TTC3: variants seen among roughly 807,000 people sequenced by gnomAD.
The protein encoded by TTC3 is E3 ubiquitin-protein ligase TTC3.
A neutral mutation model predicts 249.6 loss-of-function variants in TTC3; 180 were observed. The ratio of observed to expected loss-of-function variants is 0.72; its 90% CI spans 0.64 to 0.82. The LOEUF (loss-of-function observed/expected upper bound fraction) is 0.82, where lower values mean the gene tolerates loss of function less well. Among genes scored for constraint, TTC3 ranks in the 40% least tolerant of loss-of-function variants. The pLI is 0.00. For synonymous variants in TTC3, 717 were observed against 805.0 expected (o/e 0.89, Z 1.85); for missense variants, 2,061 against 2,398.4 (o/e 0.86, Z 2.94).
At chr21:37,140,896 C>G (rs975249139) in intron 20 of TTC3, among the ~76,000 whole-genome samples, 2 of 152,058 alleles carry the variant, frequency 1.3e-5, no homozygotes, top group African/African-American at 4.8e-5. Context: ...TCTAATAAGT[C>G]AACAATATAG....
At chr21:37,108,356 G>T (rs2075287799) in intron 10 of TTC3, 36 bp from the exon 11 acceptor site, 2 of 1,577,908 alleles carry the variant, frequency 1.3e-6, no homozygotes, top group African/African-American at 1.4e-5. Context: ...TACTATAAAA[G>T]AGTGAAAATT....
chr21:37,124,881 C>T, intron 14 of TTC3, 139 bp downstream of exon 14: 1 of 691,004 alleles, frequency 1.4e-6, no homozygotes, highest in Non-Finnish European at 2.3e-6. Context: ...TAATGATTCT[C>T]TTTTAAATAA....
intron 44 of TTC3, among the ~76,000 whole-genome samples, chr21:37,199,003 T>C (rs577846563): frequency 9.2e-5 from 14 of 152,310 alleles, no homozygotes; most frequent in African/African-American, 3.4e-4. Flanking sequence ...GGAGAGGCCT[T>C]CAATGGCTCT....
At chr21:37,197,889 C>T in exon 44 of TTC3, 2 of 1,612,598 alleles carry the variant, frequency 1.2e-6, no homozygotes, top group Non-Finnish European at 1.7e-6. Flanking sequence ...CAGCCAAACC[C>T]AGGAAAGGAC....
intron 11 of TTC3, among the ~76,000 whole-genome samples, chr21:37,120,092 G>T (rs1378006063): frequency 6.6e-6 from 1 of 152,184 alleles, no homozygotes; most frequent in Non-Finnish European, 1.5e-5. Flanking sequence ...GCCGTCCATT[G>T]TTGGGGTGGA....
At chr21:37,076,102 G>T (rs2070827699) in intron 1 of TTC3, among the ~76,000 whole-genome samples, 1 of 152,072 alleles carries the variant, frequency 6.6e-6, no homozygotes, top group Non-Finnish European at 1.5e-5. Flanking sequence ...ATTATGCCTT[G>T]TTTTTAAAAA....
intron 20 of TTC3, among the ~76,000 whole-genome samples, chr21:37,140,879 T>G (rs1341402003): frequency 6.6e-6 from 1 of 152,224 alleles, no homozygotes; most frequent in Non-Finnish European, 1.5e-5. Context: ...TACTTCCTGA[T>G]TTTAAATCTA....
intron 11 of TTC3, among the ~76,000 whole-genome samples, chr21:37,119,478 G>A (rs956832903): frequency 3.3e-5 from 5 of 152,114 alleles, no homozygotes; most frequent in African/African-American, 1.2e-4. Context: ...GTACTTAGCT[G>A]AAGACTCAAG....
intron 12 of TTC3, 60 bp downstream of exon 12, chr21:37,122,039 G>A (rs2076626443): frequency 6.8e-7 from 1 of 1,477,486 alleles, no homozygotes; most frequent in African/African-American, 1.4e-5. Flanking sequence ...TTTGGAGGGT[G>A]GGTTTCTTGG....
rs765379535 is a variant in TTC3, at chr21:37,140,551, G to T, written c.1660-10G>T. 2.6e-6 allele frequency: 4 copies of T among 1,529,570 alleles called. No individual in the cohort carries two copies. Among genetic ancestry groups the T allele is most frequent in the Non-Finnish European group, 3.5e-6 (4 of 1,134,902 alleles). 94.7% of individuals were successfully genotyped at this position (1,529,570 alleles called of 1,614,324 possible). Reference sequence around the variant, plus strand: ...TATGTAAGTGATCATTGTTTTCACTGCTATTCAAGGAATTATCTGAAGCCG... The same window carrying T: ...TATGTAAGTGATCATTGTTTTCACTTCTATTCAAGGAATTATCTGAAGCCG... On this transcript the variant is annotated splice_polypyrimidine_tract_variant and intron_variant, in intron 19 of 45. Coordinates refer to ENST00000355666, the Ensembl canonical transcript of TTC3.
chr21:37,151,463 A>G (rs1438096825), intron 25 of TTC3, among the ~76,000 whole-genome samples: 8 of 152,096 alleles, frequency 5.3e-5, no homozygotes, highest in Non-Finnish European at 8.8e-5. Flanking sequence ...AGATGAACAG[A>G]ATTATTTGTT....
intron 7 of TTC3, 63 bp downstream of exon 7, chr21:37,091,476 A>C: frequency 6.9e-7 from 1 of 1,457,568 alleles, no homozygotes; most frequent in Non-Finnish European, 9.2e-7. Context: ...GGAAAATGAG[A>C]TATGTAGTTA....
intron 11 of TTC3, among the ~76,000 whole-genome samples, 179 bp downstream of exon 11, chr21:37,108,625 G>C (rs2075314407): frequency 6.6e-6 from 1 of 152,164 alleles, no homozygotes; most frequent in Non-Finnish European, 1.5e-5. Context: ...GCACTGACAG[G>C]CTGTGCGTGA....
intron 31 of TTC3, among the ~76,000 whole-genome samples, chr21:37,162,848 T>G (rs1009932314): frequency 2.0e-5 from 3 of 152,062 alleles, no homozygotes; most frequent in Non-Finnish European, 4.4e-5. Context: ...GCAGATTCAG[T>G]GTTTGGTGAG....
At chr21:37,159,450 A>G (rs1291800164) in intron 28 of TTC3, 9 of 472,862 alleles carry the variant, frequency 1.9e-5, no homozygotes, top group Non-Finnish European at 3.0e-5. Flanking sequence ...CAGGACTAGC[A>G]TAGATGGTAC....
chr21:37,179,610 G>C (rs2082570886), intron 35 of TTC3, among the ~76,000 whole-genome samples: 2 of 152,094 alleles, frequency 1.3e-5, no homozygotes, highest in Admixed American at 1.3e-4. Flanking sequence ...GTATGGTATA[G>C]TAATTATCTT....
intron 1 of TTC3, 134 bp from the exon 2 acceptor site, chr21:37,087,113 A>G: frequency 1.1e-6 from 1 of 909,968 alleles, no homozygotes; most frequent in Non-Finnish European, 1.7e-6. Context: ...TTCGGAGCTC[A>G]GTGTTCTGAT....
intron 38 of TTC3, chr21:37,187,932 A>G (rs1475629183): frequency 6.6e-6 from 1 of 152,228 alleles, no homozygotes; most frequent in Non-Finnish European, 1.5e-5. Context: ...GGCCCTGTCA[A>G]GTTTACTGAC....
chr21:37,166,257 T>C (rs375849001), exon 33 of TTC3: 2 of 1,614,078 alleles, frequency 1.2e-6, no homozygotes, highest in African/African-American at 2.7e-5. Flanking sequence ...TACACCAGCA[T>C]ATATACACCC....
Sources: gnomAD v4.1 joint callset for allele counts (sites outside exome capture counted in the v4.1 genomes callset) on GRCh38, gnomAD v4.1.1 for gene constraint, MANE v1.5 for transcripts, NCBI Gene and HGNC (gene_info 2026-07-23, HGNC 2026-07-21) for gene names.